Variants in DEK observed in about 807,000 individuals in gnomAD.
DEK encodes the protein DEK proto-oncogene.
Under a neutral mutation model 46.8 loss-of-function variants are expected in DEK, and 28 were observed. The observed-to-expected ratio is 0.60, with a 90% CI of 0.44 to 0.82. DEK has a LOEUF of 0.82. DEK is among the 40% of genes least tolerant of loss of function. DEK has a pLI of 0.00. For missense variants in DEK, 416 were observed against 430.6 expected (o/e 0.97, Z 0.30); for synonymous variants, 160 against 144.5 (o/e 1.11, Z -0.77).
At chr6:18,238,314 G>T (rs937997433) in intron 7 of DEK, among the ~76,000 whole-genome samples, 15 of 152,208 alleles carry the variant, frequency 9.9e-5, no homozygotes, top group African/African-American at 3.6e-4. Context: ...AAACATGCAA[G>T]ATTCAAATAT....
rs140999137 is a variant in DEK, at chr6:18,236,472, T to C, written c.1027A>G (p.Met343Val). Residue 343 changes from methionine (M) to valine (V), a missense_variant, in exon 9 of 11, where the codon ATG becomes GTG. Physicochemically the swap from Met to Val is conservative, Grantham distance 21. Coordinates refer to ENST00000652689, the MANE Select transcript of DEK (RefSeq NM_003472.4). ...ATTACCTTTTTGCAAATCTGTTTCA[T>C]TGTGACTTCTTCCAAGTTAGCACTG... Reference protein sequence around the residue: ...LASANLEEVTMKQICKKVYEN... With the variant: ...LASANLEEVTVKQICKKVYEN... 10 of 1,611,440 alleles carry C rather than the reference T, an allele frequency of 6.2e-6. No individual in the cohort carries two copies. The African/African-American group carries it at 6.7e-5, about 11-fold the overall frequency.
chr6:18,256,045 T>G (rs1169174735), intron 5 of DEK, among the ~76,000 whole-genome samples, 194 bp from the exon 6 acceptor site: 2 of 151,808 alleles, frequency 1.3e-5, no homozygotes, highest in Admixed American at 1.3e-4. Context: ...TGGAGTGCAA[T>G]GGCCCAATCT....
At chr6:18,226,297 A>G in intron 9 of DEK, 55 bp from the exon 10 acceptor site, 4 of 1,267,468 alleles carry the variant, frequency 3.2e-6, no homozygotes, top group Non-Finnish European at 4.2e-6. Context: ...AAATCCAGTA[A>G]TATTGTCTTT....
chr6:18,248,215 T>C (rs1791210473), intron 7 of DEK, among the ~76,000 whole-genome samples: 1 of 152,204 alleles, frequency 6.6e-6, no homozygotes, highest in African/African-American at 2.4e-5. Context: ...AACTTGCTTA[T>C]ACTAATACAG....
chr6:18,242,741 T>C (rs1287755174), intron 7 of DEK, among the ~76,000 whole-genome samples: 1 of 152,176 alleles, frequency 6.6e-6, no homozygotes, highest in Non-Finnish European at 1.5e-5. Flanking sequence ...GTAGTAATGT[T>C]GGCAATTCAA....
intron 9 of DEK, among the ~76,000 whole-genome samples, chr6:18,228,688 T>C (rs919517517): frequency 2.6e-5 from 4 of 152,184 alleles, no homozygotes; most frequent in African/African-American, 4.8e-5. Context: ...TACTGCACTT[T>C]TCCAACAATC....
chr6:18,249,881 A>G (rs749636020), intron 6 of DEK, 42 bp from the exon 7 acceptor site: 1 of 1,523,780 alleles, frequency 6.6e-7, no homozygotes, highest in East Asian at 2.3e-5. Flanking sequence ...GAGGTATAAT[A>G]TTTCAATCAA....
At chr6:18,225,859 A>G in intron 10 of DEK, 129 bp from the exon 11 acceptor site, 1 of 1,125,716 alleles carries the variant, frequency 8.9e-7, no homozygotes, top group Non-Finnish European at 1.3e-6. Flanking sequence ...CTACCTGCTG[A>G]TCTTCCCCTC....
chr6:18,264,022 T>C (rs1292331068), intron 1 of DEK, 26 bp from the exon 2 acceptor site: 2 of 1,576,962 alleles, frequency 1.3e-6, no homozygotes, highest in South Asian at 1.1e-5. Context: ...AAGCCGGACG[T>C]CTCGGTCCTC....
intron 8 of DEK, chr6:18,237,126 T>C (rs1253406705): frequency 8.6e-6 from 3 of 347,594 alleles, no homozygotes; most frequent in African/African-American, 6.4e-5. Flanking sequence ...GAAACATGAA[T>C]GAATTTCATG....
chr6:18,262,007 T>TG (rs1474602045), intron 2 of DEK, among the ~76,000 whole-genome samples: 1 of 152,142 alleles, frequency 6.6e-6, no homozygotes, highest in Admixed American at 6.5e-5. Flanking sequence ...GATTAAATCA[T>TG]GGGGGCAGAT....
intron 7 of DEK, among the ~76,000 whole-genome samples, chr6:18,237,860 C>CTTTTTTTTTTTTTTTTTTTTTT (rs60332682): frequency 1.1e-5 from 1 of 88,472 alleles, no homozygotes; most frequent in Non-Finnish European, 2.1e-5. Flanking sequence ...CAACTGGAAT[C>CTTTTTTTTTTTTTTTTTTTTTT]TTTTTTTTTT....
intron 7 of DEK, among the ~76,000 whole-genome samples, chr6:18,240,562 C>T (rs1332211670): frequency 1.3e-5 from 2 of 152,150 alleles, no homozygotes; most frequent in African/African-American, 4.8e-5. Context: ...AAATAGTAAA[C>T]ACTAAATATT....
At chr6:18,248,613 G>A (rs1168187433) in intron 7 of DEK, among the ~76,000 whole-genome samples, 1 of 151,886 alleles carries the variant, frequency 6.6e-6, no homozygotes, top group Non-Finnish European at 1.5e-5. Flanking sequence ...CTTTATAGAA[G>A]TCTTTATAAA....
At chr6:18,239,267 T>G (rs1790801034) in intron 7 of DEK, among the ~76,000 whole-genome samples, 1 of 151,312 alleles carries the variant, frequency 6.6e-6, no homozygotes, top group African/African-American at 2.4e-5. Flanking sequence ...GTTGAACCTA[T>G]CCTTTAGATT....
Position 18,236,493 on chromosome 6 carries a change from C to G in DEK, c.1006G>C (p.Ala336Pro). The change falls in exon 9 of 11, where the codon GCT (alanine) becomes CCT (proline). Residue 336 changes from alanine (A) to proline (P), a missense_variant. Ala to Pro is a conservative substitution (Grantham distance 27, BLOSUM62 -1). Coordinates refer to ENST00000652689, the MANE Select transcript of DEK (RefSeq NM_003472.4). The part of the protein sequence containing the change: ...KETIKKLLAS[A>P]NLEEVTMKQI... ...TTCATTGTGACTTCTTCCAAGTTAG[C>G]ACTGGCCAGTAATTTCTTTATTGTT... is the stretch of plus-strand genomic sequence containing the variant. The G allele has an allele frequency of 6.2e-7, 1 of 1,609,830 alleles. No homozygotes were observed. Among genetic ancestry groups the G allele is most frequent in the Non-Finnish European group, 8.5e-7 (1 of 1,178,708 alleles).
intron 2 of DEK, among the ~76,000 whole-genome samples, chr6:18,262,696 G>T (rs1417537803): frequency 1.3e-5 from 2 of 152,174 alleles, no homozygotes; most frequent in Non-Finnish European, 2.9e-5. Flanking sequence ...CAAAAAATTG[G>T]AGAAAAAGTG....
At chr6:18,241,313 A>C (rs892709897) in intron 7 of DEK, among the ~76,000 whole-genome samples, 1 of 152,218 alleles carries the variant, frequency 6.6e-6, no homozygotes, top group Non-Finnish European at 1.5e-5. Flanking sequence ...AAACACAGGG[A>C]GAGCTGACAA....
chr6:18,253,101 ACAT>A (rs986821703), intron 6 of DEK, among the ~76,000 whole-genome samples: 1 of 148,372 alleles, frequency 6.7e-6, no homozygotes, highest in African/African-American at 2.5e-5. Flanking sequence ...ATAGAACCCC[ACAT>A]TTTTTTTTTT....
Sources: gnomAD v4.1 joint callset for allele counts (sites outside exome capture counted in the v4.1 genomes callset) on GRCh38, gnomAD v4.1.1 for gene constraint, MANE v1.5 for transcripts, NCBI Gene and HGNC (gene_info 2026-07-23, HGNC 2026-07-21) for gene names.